Variants in RAB27A observed in about 807,000 individuals in gnomAD.
RAB27A encodes RAB27A, member RAS oncogene family.
In RAB27A, 17 loss-of-function variants were observed where a neutral mutation model predicts 20.8. That is an observed-to-expected ratio of 0.82 (90% confidence interval 0.56 to 1.23). RAB27A has a LOEUF of 1.23. Among genes scored for constraint, RAB27A ranks in the 50% most tolerant of loss-of-function variants. The probability of loss-of-function intolerance (pLI) is 0.00; values close to 1 mark genes in which losing one functional copy is unlikely to be tolerated. For missense variants in RAB27A, 277 were observed against 266.7 expected, an observed-to-expected ratio of 1.04 and a Z score of -0.27; for synonymous variants, 85 against 92.8, an observed-to-expected ratio of 0.92 and a Z score of 0.48.
At chr15:55,227,298 G>T (rs934552006) in intron 5 of RAB27A, among the ~76,000 whole-genome samples, 2 of 149,822 alleles carry the variant, frequency 1.3e-5, no homozygotes, top group Admixed American at 1.3e-4. Context: ...GATTCTATGC[G>T]CACTCTCTAG....
At chr15:55,302,989 G>T (rs967347433) in intron 2 of RAB27A, among the ~76,000 whole-genome samples, 111 of 143,284 alleles carry the variant, frequency 7.7e-4, no homozygotes, top group Non-Finnish European at 1.3e-3. Context: ...AGGTGGGGGG[G>T]GGTCAACCCC....
intron 2 of RAB27A, among the ~76,000 whole-genome samples, chr15:55,309,276 G>A (rs1472504422): frequency 1.3e-5 from 2 of 152,206 alleles, no homozygotes; most frequent in African/African-American, 4.8e-5. Context: ...AGTATAGGCT[G>A]GATATGTTCC....
intron 6 of RAB27A, among the ~76,000 whole-genome samples, chr15:55,213,503 CA>C (rs1895123086): frequency 6.6e-6 from 1 of 152,184 alleles, no homozygotes; most frequent in Non-Finnish European, 1.5e-5. Flanking sequence ...GGTACCAATC[CA>C]TGGCCTGTTA....
chr15:55,203,652 G>A lies in RAB27A; in HGVS notation c.*1855C>T, dbSNP rs964784482. 2 of 148,120 alleles carry A rather than the reference G, an allele frequency of 1.4e-5. No individual in the cohort carries two copies. Among genetic ancestry groups the A allele is most frequent in the Admixed American group, 6.9e-5 (1 of 14,540 alleles). The allele number at this position is 148,120 out of a possible 1,614,324, so 9.2% of individuals were successfully genotyped here. A position where few individuals can be genotyped will look rare whatever the true frequency, so the allele number is the denominator to read the frequency against. ...TTAGCCAGGATGGTCTCGATCTCCT[G>A]ACCTCGTGATCCGCCCTCCTCGGCC... On this transcript the variant is annotated 3_prime_UTR_variant, in exon 7 of 7. Coordinates refer to ENST00000336787, the MANE Select transcript of RAB27A (RefSeq NM_183235.3).
At chr15:55,254,254 TTTAAG>T (rs1361232989) in intron 2 of RAB27A, among the ~76,000 whole-genome samples, 1 of 152,126 alleles carries the variant, frequency 6.6e-6, no homozygotes, top group Non-Finnish European at 1.5e-5. Context: ...TGACATTCCT[TTTAAG>T]TTATTACTTT....
intron 2 of RAB27A, among the ~76,000 whole-genome samples, chr15:55,242,267 C>T (rs373209917): frequency 6.6e-6 from 1 of 152,184 alleles, no homozygotes; most frequent in East Asian, 1.9e-4. Context: ...TGCTCATCAT[C>T]CTTAAAAAGA....
chr15:55,294,006 A>G (rs2054937063), upstream of RAB27A, among the ~76,000 whole-genome samples: 1 of 152,238 alleles, frequency 6.6e-6, no homozygotes. Flanking sequence ...ATAGAGCTAC[A>G]GATTCAACAA....
intron 1 of RAB27A, among the ~76,000 whole-genome samples, chr15:55,278,631 C>T (rs1020436100): frequency 3.9e-5 from 6 of 152,104 alleles, no homozygotes; most frequent in East Asian, 3.9e-4. Flanking sequence ...TATAGGCGCC[C>T]GCCACCACGT....
intron 2 of RAB27A, among the ~76,000 whole-genome samples, chr15:55,250,495 A>G (rs1566920481): frequency 6.6e-6 from 1 of 152,192 alleles, no homozygotes; most frequent in Non-Finnish European, 1.5e-5. Context: ...TAATTTGTCT[A>G]TTGTGAAATT....
chr15:55,218,970 G>T (rs1024560612), intron 6 of RAB27A, among the ~76,000 whole-genome samples: 1 of 152,090 alleles, frequency 6.6e-6, no homozygotes, highest in Admixed American at 6.5e-5. Flanking sequence ...TCGAACTCCT[G>T]AGCTCAGGTG....
chr15:55,205,093 G>C lies in RAB27A; in HGVS notation c.*414C>G, dbSNP rs2140889422. On this transcript the variant is annotated 3_prime_UTR_variant, in exon 7 of 7. Coordinates refer to ENST00000336787, the MANE Select transcript of RAB27A (RefSeq NM_183235.3). The stretch of plus-strand genomic sequence containing the variant: ...CCTATGGCATGAGTCTTCAAATCTG[G>C]ATTGAAGACTGTGGCGGTTTTATAA... 1 of 229,626 alleles carries C rather than the reference G, an allele frequency of 4.4e-6. No individual in the cohort carries two copies. The highest frequency in any genetic ancestry group is 2.3e-5 in the African/African-American group (1 of 43,012). The allele number at this position is 229,626 out of a possible 1,614,324, so 14.2% of individuals were successfully genotyped here. A position where few individuals can be genotyped will look rare whatever the true frequency, so the allele number is the denominator to read the frequency against.
chr15:55,264,419 C>T (rs1218569312), intron 2 of RAB27A, among the ~76,000 whole-genome samples: 1 of 152,114 alleles, frequency 6.6e-6, no homozygotes, highest in Non-Finnish European at 1.5e-5. Flanking sequence ...TTTTTCCAAC[C>T]TCTATAAGCT....
chr15:55,310,497 G>C (rs1176018301), intron 2 of RAB27A, among the ~76,000 whole-genome samples: 1 of 152,174 alleles, frequency 6.6e-6, no homozygotes, highest in South Asian at 2.1e-4. Context: ...CATGGACGAG[G>C]GGGTGGCTTA....
At chr15:55,302,245 G>A (rs999830327) in intron 2 of RAB27A, among the ~76,000 whole-genome samples, 1 of 151,562 alleles carries the variant, frequency 6.6e-6, no homozygotes, top group South Asian at 2.1e-4. Flanking sequence ...CGCCACGCCT[G>A]ACTGGTTTTG....
At chr15:55,247,777 G>A (rs1896743242) in intron 2 of RAB27A, among the ~76,000 whole-genome samples, 1 of 152,012 alleles carries the variant, frequency 6.6e-6, no homozygotes, top group African/African-American at 2.4e-5. Context: ...GCAGTAACTG[G>A]GGAAGAGACG....
rs1200695388 is a variant in RAB27A, at chr15:55,259,069, G to A, written c.-23+11096C>T. Among the ~76,000 whole-genome samples the A allele has an allele frequency of 2.0e-5, 3 of 152,258 alleles. No individual in the cohort carries two copies. In the South Asian group the frequency reaches 6.2e-4, roughly 32 times the overall value. ...AGCGGCAAGTGATCCGCCCACCTTG[G>A]CCGTCCAAAGTGCTGAGATTATAGA... is the stretch of plus-strand genomic sequence containing the variant. On this transcript the variant is annotated intron_variant, in intron 2 of 6. Transcript: ENST00000336787.
chr15:55,273,617 G>C (rs1897770830), intron 1 of RAB27A, among the ~76,000 whole-genome samples: 1 of 151,978 alleles, frequency 6.6e-6, no homozygotes, highest in Non-Finnish European at 1.5e-5. Context: ...TATCAGAATA[G>C]ACTTCAAGTA....
intron 2 of RAB27A, among the ~76,000 whole-genome samples, chr15:55,311,364 C>T (rs1318059450): frequency 6.6e-6 from 1 of 152,094 alleles, no homozygotes; most frequent in Non-Finnish European, 1.5e-5. Flanking sequence ...CTGGCTGGGC[C>T]GAATTCTCCT....
At chr15:55,285,351 C>A (rs565399793) in intron 1 of RAB27A, among the ~76,000 whole-genome samples, 1 of 150,106 alleles carries the variant, frequency 6.7e-6, no homozygotes, top group Non-Finnish European at 1.5e-5. Flanking sequence ...ACAAAACTTT[C>A]AGCATTCCTC....
Sources: gnomAD v4.1 joint callset for allele counts (sites outside exome capture counted in the v4.1 genomes callset) on GRCh38, gnomAD v4.1.1 for gene constraint, MANE v1.5 for transcripts, NCBI Gene and HGNC (gene_info 2026-07-23, HGNC 2026-07-21) for gene names.